Variants in PLXNA2 observed in about 807,000 individuals in gnomAD.
The protein encoded by PLXNA2 is plexin-A2.
PLXNA2 carries 91 observed loss-of-function variants against 193.5 expected under a neutral mutation model. That is an observed-to-expected ratio of 0.47 (90% CI 0.40 to 0.56). The LOEUF (loss-of-function observed/expected upper bound fraction) is 0.56, where lower values mean the gene tolerates loss of function less well. Among genes scored for constraint, PLXNA2 ranks in the 20% least tolerant of loss-of-function variants. PLXNA2 has a pLI of 0.00. For synonymous variants in PLXNA2, 997 were observed against 1,027.3 expected (o/e 0.97, Z 0.56); for missense variants, 1,995 against 2,503.2 (o/e 0.80, Z 4.33).
At chr1:208,140,728 C>G (rs191216572) in intron 4 of PLXNA2, among the ~76,000 whole-genome samples, 5 of 152,148 alleles carry the variant, frequency 3.3e-5, no homozygotes, top group African/African-American at 1.2e-4. Context: ...GTATAACAAG[C>G]GTCCACAATT....
intron 5 of PLXNA2, among the ~76,000 whole-genome samples, chr1:208,101,033 T>A (rs1373965029): frequency 6.6e-6 from 1 of 152,232 alleles, no homozygotes; most frequent in Non-Finnish European, 1.5e-5. Flanking sequence ...TAAATATGAA[T>A]GCTGTCAAAG....
intron 3 of PLXNA2, among the ~76,000 whole-genome samples, chr1:208,167,058 C>G (rs1223908631): frequency 6.6e-6 from 1 of 152,186 alleles, no homozygotes; most frequent in Non-Finnish European, 1.5e-5. Context: ...GCCAGCCTCT[C>G]TAGGTTGCTG....
chr1:208,034,621 A>G, intron 26 of PLXNA2, 29 bp from the exon 27 acceptor site: 5 of 1,416,876 alleles, frequency 3.5e-6, no homozygotes, highest in Non-Finnish European at 5.0e-6. Flanking sequence ...GTACAGTACA[A>G]AAGGTGAATG....
intron 3 of PLXNA2, among the ~76,000 whole-genome samples, chr1:208,173,508 G>A (rs1669560546): frequency 1.3e-5 from 2 of 152,336 alleles, no homozygotes; most frequent in Admixed American, 6.5e-5. Flanking sequence ...GAATCTAAGT[G>A]AAGTTCTCAG....
chr1:208,099,091 A>T, intron 5 of PLXNA2, 122 bp from the exon 6 acceptor site: 1 of 1,231,228 alleles, frequency 8.1e-7, no homozygotes, highest in Non-Finnish European at 1.1e-6. Flanking sequence ...TCTCAAGAAG[A>T]CTTTTACTGT....
rs773287920 is a variant in PLXNA2, at chr1:208,031,809, G to A, written c.5056-50C>T. On this transcript the variant is annotated intron_variant, in intron 28 of 31. Coordinates refer to ENST00000367033, the MANE Select transcript of PLXNA2 (RefSeq NM_025179.4). ...AGATGGAGGGGGGTGACGGCAGGTA[G>A]CAGACAGGCATACCAGATGGTGCCT... 5 of 1,444,544 alleles carry A rather than the reference G, an allele frequency of 3.5e-6. No individual in the cohort carries two copies. In the South Asian group the frequency reaches 3.9e-5, roughly 11 times the overall value. The allele number at this position is 1,444,544 out of a possible 1,614,324, so 89.5% of individuals were successfully genotyped here.
Position 208,096,955 on chromosome 1 carries a change from G to A in PLXNA2, c.1732-72C>T, listed in dbSNP as rs1384990201. The A allele has an allele frequency of 3.4e-6, 5 of 1,457,834 alleles. No individual in the cohort carries two copies. The African/African-American group carries it at 4.2e-5, about 12-fold the overall frequency. 90.3% of individuals were successfully genotyped at this position (1,457,834 alleles called of 1,614,324 possible). ...CCTGGACTCCAGGTCCAGCCCTGCT[G>A]TGACCCACTTTGCTCACTGATCTCC... On this transcript the variant is annotated intron_variant, in intron 6 of 31. Coordinates refer to ENST00000367033, the MANE Select transcript of PLXNA2 (RefSeq NM_025179.4).
chr1:208,229,823 G>A (rs1361894762), intron 1 of PLXNA2, among the ~76,000 whole-genome samples: 1 of 152,184 alleles, frequency 6.6e-6, no homozygotes, highest in Non-Finnish European at 1.5e-5. Context: ...ACAATATAAA[G>A]TGATGAACAG....
intron 12 of PLXNA2, among the ~76,000 whole-genome samples, chr1:208,061,087 A>T (rs74152185): frequency 3.7e-4 from 56 of 152,322 alleles, no homozygotes; most frequent in African/African-American, 1.3e-3. Flanking sequence ...TTAAAAAATT[A>T]TCAGAAAGAA....
At chr1:208,092,568 A>G (rs1666751323) in intron 9 of PLXNA2, among the ~76,000 whole-genome samples, 2 of 152,238 alleles carry the variant, frequency 1.3e-5, no homozygotes, top group Non-Finnish European at 1.5e-5. Context: ...ATAGAGTCTT[A>G]GGAGTCTAGT....
At chr1:208,241,792 G>A (rs1447244540) in intron 1 of PLXNA2, among the ~76,000 whole-genome samples, 1 of 152,192 alleles carries the variant, frequency 6.6e-6, no homozygotes, top group Non-Finnish European at 1.5e-5. Flanking sequence ...GAGGGAAATA[G>A]CTCCTTTAGG....
At chr1:208,219,434 A>C (rs1671248299) in intron 1 of PLXNA2, among the ~76,000 whole-genome samples, 1 of 152,190 alleles carries the variant, frequency 6.6e-6, no homozygotes, top group Non-Finnish European at 1.5e-5. Context: ...CCGGCAGAGA[A>C]AGCTTTTCTC....
In PLXNA2 at chr1:208,044,098, C is replaced by T. The variant is rs976072954; in HGVS notation, c.3874+410G>A. The stretch of plus-strand genomic sequence containing the variant: ...GGGAGATGAGGCAGGTGCTTGTCTG[C>T]CTTTGCTGCCGCTGCTCCCACGTGC... On this transcript the variant is annotated intron_variant, in intron 20 of 31. Transcript: ENST00000367033. The surrounding 1 kb of genome is among the most constrained non-coding windows in gnomAD (Gnocchi z 4.9). Among the ~76,000 whole-genome samples the T allele has an allele frequency of 9.2e-5, 14 of 152,326 alleles. No homozygotes were observed. Among genetic ancestry groups the T allele is most frequent in the African/African-American group, 3.1e-4 (13 of 41,590 alleles).
At chr1:208,076,210 G>A (rs1274009258) in intron 12 of PLXNA2, among the ~76,000 whole-genome samples, 1 of 151,916 alleles carries the variant, frequency 6.6e-6, no homozygotes, top group Non-Finnish European at 1.5e-5. Context: ...TAGCACCACA[G>A]GCATGCACCA....
Position 208,186,886 on chromosome 1 carries a change from A to AT in PLXNA2, c.1371+23393dup, listed in dbSNP as rs540818084. Among the ~76,000 whole-genome samples the AT allele has an allele frequency of 3.3e-3, 490 of 148,040 alleles. 1 individual carries two copies. The highest frequency in any genetic ancestry group is 0.011 in the African/African-American group (436 of 39,642). On this transcript the variant is annotated intron_variant, in intron 3 of 31. Transcript: ENST00000367033. ...AGGCGCCCGCCACCGCGCCCGGCTA[A>AT]TTTTTTTTGTATTTTTAGTAGAGAC...
At chr1:208,064,038 G>A (rs1665703257) in intron 12 of PLXNA2, among the ~76,000 whole-genome samples, 1 of 152,012 alleles carries the variant, frequency 6.6e-6, no homozygotes, top group Non-Finnish European at 1.5e-5. Context: ...TACCCTCCCA[G>A]ATCCTCTTTC....
chr1:208,086,189 C>A (rs755732238), intron 9 of PLXNA2, among the ~76,000 whole-genome samples: 3 of 152,160 alleles, frequency 2.0e-5, no homozygotes, highest in Non-Finnish European at 4.4e-5. Flanking sequence ...TAGGCTGCAT[C>A]TTACTCACCT....
At chr1:208,045,743 G>C in intron 18 of PLXNA2, 135 bp downstream of exon 18, 2 of 1,082,652 alleles carry the variant, frequency 1.8e-6, no homozygotes, top group Non-Finnish European at 2.7e-6. Flanking sequence ...AGCTCCTTCT[G>C]TAGGAAGGAG....
chr1:208,060,557 G>A (rs1665583571), intron 13 of PLXNA2, 129 bp downstream of exon 13: 2 of 920,170 alleles, frequency 2.2e-6, no homozygotes, highest in Non-Finnish European at 3.2e-6. Flanking sequence ...GAGGCTTCTG[G>A]GGCAGGTCCA....
Sources: allele counts gnomAD v4.1 joint callset (sites outside exome capture counted in the v4.1 genomes callset), GRCh38; gene constraint gnomAD v4.1.1; non-coding constraint Gnocchi (gnomAD v3.1); transcripts MANE v1.5; gene names NCBI Gene and HGNC (gene_info 2026-07-23, HGNC 2026-07-21).